The following BMP5 variants were observed in gnomAD, a reference collection of about 807,000 sequenced individuals.
The protein encoded by BMP5 is bone morphogenetic protein 5.
Under a neutral mutation model 46.6 loss-of-function variants are expected in BMP5, and 23 were observed. That is an observed-to-expected ratio of 0.49 (90% confidence interval 0.35 to 0.70). The LOEUF (loss-of-function observed/expected upper bound fraction) is 0.70, where lower values mean the gene tolerates loss of function less well. Ranked by LOEUF, BMP5 falls within the 30% of genes least tolerant of loss-of-function variation. The pLI is 0.00. For synonymous variants in BMP5, 204 were observed against 191.9 expected (o/e 1.06, Z -0.52); for missense variants, 545 against 565.6 (o/e 0.96, Z 0.37).
chr6:55,806,365 A>G lies in BMP5; in HGVS notation c.684-11938T>C, dbSNP rs181192865. ...GCTTGTTTTTGTCTGGTTTGTTGAC[A>G]ATCAGATGGTTGTAGATGTGTGGTG... is the stretch of plus-strand genomic sequence containing the variant. On this transcript the variant is annotated intron_variant, in intron 2 of 6. Transcript: ENST00000370830. Among the ~76,000 whole-genome samples the G allele has an allele frequency of 2.6e-4, 39 of 152,172 alleles. No homozygotes were observed. In the East Asian group the frequency reaches 6.2e-3, roughly 24 times the overall value.
intron 2 of BMP5, among the ~76,000 whole-genome samples, chr6:55,796,974 TCTATTAATGGTCAAAG>T (rs1775729974): frequency 6.6e-6 from 1 of 152,326 alleles, no homozygotes; most frequent in South Asian, 2.1e-4. Flanking sequence ...TGCACAGTTT[TCTATTAATGGTCAAAG>T]CTATTTTACT....
rs757794453 is a variant in BMP5, at chr6:55,865,417, T to A, written c.490+8959A>T. On this transcript the variant is annotated intron_variant, in intron 1 of 6. Coordinates refer to ENST00000370830, the MANE Select transcript of BMP5 (RefSeq NM_021073.4). ...TCTAGGACTCTGACCAAAGGTAGTATGAAAAGCACCTTTCAGCAGCTAATC... is the reference window on the plus strand; with the variant it reads ...TCTAGGACTCTGACCAAAGGTAGTAAGAAAAGCACCTTTCAGCAGCTAATC... 48 of 506,420 alleles carry A rather than the reference T, an allele frequency of 9.5e-5. No individual in the cohort carries two copies. In the Admixed American group the frequency reaches 9.6e-4, roughly 10 times the overall value. The allele number at this position is 506,420 out of a possible 1,614,324, so 31.4% of individuals were successfully genotyped here. A position where few individuals can be genotyped will look rare whatever the true frequency, so the allele number is the denominator to read the frequency against.
chr6:55,802,233 G>T (rs967408107), intron 2 of BMP5, among the ~76,000 whole-genome samples: 1 of 152,120 alleles, frequency 6.6e-6, no homozygotes, highest in African/African-American at 2.4e-5. Context: ...AGTGTCCATG[G>T]CAATAGTTCT....
intron 3 of BMP5, 120 bp downstream of exon 3, chr6:55,794,159 G>T (rs1441820890): frequency 4.8e-6 from 5 of 1,047,448 alleles, no homozygotes; most frequent in Non-Finnish European, 7.0e-6. Context: ...CTACCCTATA[G>T]AATGCGTTGA....
chr6:55,873,890 GT>G (rs1202341775), intron 1 of BMP5, among the ~76,000 whole-genome samples: 1 of 151,484 alleles, frequency 6.6e-6, no homozygotes, highest in African/African-American at 2.4e-5. Context: ...TTCAATCTTG[GT>G]TAATTTTACC....
At chr6:55,851,137 CT>C (rs11340072) in intron 1 of BMP5, among the ~76,000 whole-genome samples, 19,514 of 140,376 alleles carry the variant, frequency 0.14, 1,977 homozygotes, top group African/African-American at 0.29. Flanking sequence ...TTTTGTTTTG[CT>C]TTTTTTTTTT....
chr6:55,764,571 CAAAA>C (rs57293392), intron 4 of BMP5, among the ~76,000 whole-genome samples: 1 of 110,150 alleles, frequency 9.1e-6, no homozygotes, highest in Admixed American at 9.1e-5. Context: ...GACTCTGTCT[CAAAA>C]AAAAAAAAAA....
chr6:55,852,542 A>G (rs561070521), intron 1 of BMP5, among the ~76,000 whole-genome samples: 1 of 152,118 alleles, frequency 6.6e-6, no homozygotes, highest in African/African-American at 2.4e-5. Context: ...GGTATGTAAT[A>G]TTTTCATCAT....
At chr6:55,799,156 T>A (rs1038163536) in intron 2 of BMP5, among the ~76,000 whole-genome samples, 1 of 152,176 alleles carries the variant, frequency 6.6e-6, no homozygotes, top group Admixed American at 6.5e-5. Context: ...GGTATGACAA[T>A]CCCTGCCTTA....
At chr6:55,866,272 G>A (rs1248083231) in intron 1 of BMP5, among the ~76,000 whole-genome samples, 1 of 152,130 alleles carries the variant, frequency 6.6e-6, no homozygotes, top group Non-Finnish European at 1.5e-5. Flanking sequence ...CTGGCCTCAA[G>A]GTTTAGTGCT....
chr6:55,855,069 G>A (rs4715567), intron 1 of BMP5, among the ~76,000 whole-genome samples: 77,929 of 151,720 alleles, frequency 0.51, 21,570 homozygotes, highest in African/African-American at 0.71. Flanking sequence ...ACAGAAAAAA[G>A]CTTTTGATCA....
At chr6:55,761,616 T>C (rs1774782169) in intron 4 of BMP5, among the ~76,000 whole-genome samples, 1 of 152,070 alleles carries the variant, frequency 6.6e-6, no homozygotes, top group Non-Finnish European at 1.5e-5. Flanking sequence ...CCTGGATAGC[T>C]ACATGGCTAA....
At chr6:55,828,654 T>C (rs550904747) in intron 1 of BMP5, among the ~76,000 whole-genome samples, 2 of 151,848 alleles carry the variant, frequency 1.3e-5, no homozygotes, top group African/African-American at 4.8e-5. Context: ...TTAGGAACAT[T>C]TTATTTAGAA....
At chr6:55,853,201 ATAAAATAAAATAAAAT>A (rs1777295723) in intron 1 of BMP5, among the ~76,000 whole-genome samples, 1 of 139,414 alleles carries the variant, frequency 7.2e-6, no homozygotes, top group Non-Finnish European at 1.6e-5. Flanking sequence ...ATAAAATAAA[ATAAAATAAAATAAAAT>A]AAGATAAAAT....
At chr6:55,831,930 G>A (rs1776673983) in intron 1 of BMP5, among the ~76,000 whole-genome samples, 2 of 152,216 alleles carry the variant, frequency 1.3e-5, no homozygotes, top group East Asian at 1.9e-4. Flanking sequence ...ATGGGTAACA[G>A]GAGAGAGAAG....
chr6:55,761,723 C>G (rs35257600), intron 4 of BMP5, among the ~76,000 whole-genome samples: 15,470 of 152,160 alleles, frequency 0.1, 1,002 homozygotes, highest in East Asian at 0.2. Flanking sequence ...CCTGATTTCT[C>G]TCACTCTGTT....
Position 55,759,114 on chromosome 6 carries a change from TCCTGAC to T in BMP5, c.1105-5_1105del. The stretch of plus-strand genomic sequence containing the variant: ...GTATCCTTCTGGTGCTATAATCCAG[TCCTGAC>T]ACATACACACACACACACACACACA... On this transcript the variant is annotated splice_acceptor_variant and splice_polypyrimidine_tract_variant and coding_sequence_variant and intron_variant, in exon 6 of 7. Coordinates refer to ENST00000370830, the MANE Select transcript of BMP5 (RefSeq NM_021073.4). LOFTEE classifies it high-confidence loss of function. 1 of 747,452 alleles carries T rather than the reference TCCTGAC, an allele frequency of 1.3e-6. No individual in the cohort carries two copies. The allele number at this position is 747,452 out of a possible 1,614,324, so 46.3% of individuals were successfully genotyped here.
chr6:55,774,394 G>T, intron 3 of BMP5, 151 bp from the exon 4 acceptor site: 1 of 720,348 alleles, frequency 1.4e-6, no homozygotes, highest in Non-Finnish European at 2.3e-6. Flanking sequence ...TAAATATTGA[G>T]GCTTACTATT....
intron 1 of BMP5, among the ~76,000 whole-genome samples, chr6:55,859,142 A>G (rs1408819193): frequency 6.6e-6 from 1 of 152,232 alleles, no homozygotes; most frequent in Non-Finnish European, 1.5e-5. Context: ...TTTTAAAAAA[A>G]AAGTTTAAAA....
Sources: allele counts gnomAD v4.1 joint callset (sites outside exome capture counted in the v4.1 genomes callset), GRCh38; gene constraint gnomAD v4.1.1; transcripts MANE v1.5; gene names NCBI Gene and HGNC (gene_info 2026-07-23, HGNC 2026-07-21).